Variants in OLFM1 observed in about 807,000 individuals in gnomAD.
OLFM1 encodes the protein noelin.
Under a neutral mutation model 49.7 loss-of-function variants are expected in OLFM1, and 9 were observed. That is an observed-to-expected ratio of 0.18 (90% CI 0.11 to 0.32). The LOEUF (loss-of-function observed/expected upper bound fraction) is 0.32, where lower values mean the gene tolerates loss of function less well. Ranked by LOEUF, OLFM1 falls within the 10% of genes least tolerant of loss-of-function variation. OLFM1 has a pLI of 1.00. For synonymous variants in OLFM1, 240 were observed against 271.8 expected (o/e 0.88, Z 1.15); for missense variants, 369 against 661.8 (o/e 0.56, Z 4.85).
intron 1 of OLFM1, among the ~76,000 whole-genome samples, chr9:135,081,878 G>C (rs773102232): frequency 6.6e-6 from 1 of 152,198 alleles, no homozygotes; most frequent in African/African-American, 2.4e-5. Flanking sequence ...CTGCGGGTCC[G>C]GTGACCCCCT....
chr9:135,106,010 A>T (rs1448328391), intron 4 of OLFM1: 1 of 152,584 alleles, frequency 6.6e-6, no homozygotes, highest in East Asian at 1.9e-4. Context: ...GCCTCAGTCC[A>T]AATCACCGGG....
At chr9:135,091,518 CACA>C (rs1830687856) in intron 2 of OLFM1, among the ~76,000 whole-genome samples, 1 of 142,308 alleles carries the variant, frequency 7.0e-6, no homozygotes, top group African/African-American at 2.6e-5. Flanking sequence ...GTCTCACACA[CACA>C]TAGTCACACA....
rs375198166 is a variant in OLFM1 at position 135,119,642 on chromosome 9, G to A, written c.922G>A (p.Gly308Ser). The change falls in exon 6 of 6, where the codon GGT becomes AGT. Residue 308 changes from glycine to serine, a missense_variant. By Grantham distance (56) the Gly-to-Ser change is moderately conservative. Coordinates refer to ENST00000371793, the MANE Select transcript of OLFM1 (RefSeq NM_001282611.2). Reference protein sequence around the residue: ...WSGTGQVVYNGSIYFNKFQSH... With the variant: ...WSGTGQVVYNSSIYFNKFQSH... ...GGGCACGGGGCAGGTGGTCTACAAC[G>A]GTTCTATCTACTTCAACAAGTTCCA... is the stretch of plus-strand genomic sequence containing the variant. 1.4e-5 allele frequency: 23 copies of A among 1,614,034 alleles called. No homozygotes were observed. The highest frequency in any genetic ancestry group is 5.0e-5 in the Admixed American group (3 of 60,008).
chr9:135,107,902 C>G lies in OLFM1; in HGVS notation c.783+1047C>G, dbSNP rs59281235. Among the ~76,000 whole-genome samples the G allele has an allele frequency of 2.7e-3, 406 of 152,306 alleles. 1 individual carries two copies. Among genetic ancestry groups the G allele is most frequent in the African/African-American group, 9.5e-3 (395 of 41,562 alleles). On this transcript the variant is annotated intron_variant, in intron 5 of 5. Transcript: ENST00000371793. Reference sequence around the variant, plus strand: ...TTGCCTCCCTCCTTCACCATTGCCACCATTTCCACGAAATCTCTTATATTT... The same window carrying G: ...TTGCCTCCCTCCTTCACCATTGCCAGCATTTCCACGAAATCTCTTATATTT...
In OLFM1 at chr9:135,091,674, C is replaced by CACATTCACACAGTCACACACAG. The variant is rs879648450; in HGVS notation, c.300+1330_300+1331insACATTCACACAGTCACACACAG. 2.3e-3 allele frequency among the ~76,000 whole-genome samples: 92 copies of CACATTCACACAGTCACACACAG among 39,500 alleles called. 11 individuals carry two copies. The highest frequency in any genetic ancestry group is 0.011 in the African/African-American group (91 of 8,342). 25.9% of individuals were successfully genotyped at this position (39,500 alleles called of 152,430 possible). A position where few individuals can be genotyped will look rare whatever the true frequency, so the allele number is the denominator to read the frequency against. The stretch of plus-strand genomic sequence containing the variant: ...ATAGTCACACACACACAGTCACACA[C>CACATTCACACAGTCACACACAG]TCACACATAGTCTCACACACACACA... On this transcript the variant is annotated intron_variant, in intron 2 of 5. Coordinates refer to ENST00000371793, the MANE Select transcript of OLFM1 (RefSeq NM_001282611.2).
chr9:135,087,883 A>T lies in OLFM1; in HGVS notation c.-107A>T. 1.3e-6 allele frequency: 1 copy of T among 766,820 alleles called. No individual in the cohort carries two copies. Among genetic ancestry groups the T allele is most frequent in the Non-Finnish European group, 1.6e-6 (1 of 624,856 alleles). 47.5% of individuals were successfully genotyped at this position (766,820 alleles called of 1,614,324 possible). A position where few individuals can be genotyped will look rare whatever the true frequency, so the allele number is the denominator to read the frequency against. On this transcript the variant is annotated 5_prime_UTR_variant, in exon 1 of 6. Transcript: ENST00000371793. ...GGCGGCGGGCCGAGGGGGCGCGGGG[A>T]CACAGCCAGGCGCCCCTGCCCGCCG...
chr9:135,086,120 A>G (rs1358156776), upstream of OLFM1, among the ~76,000 whole-genome samples: 1 of 152,144 alleles, frequency 6.6e-6, no homozygotes, highest in Non-Finnish European at 1.5e-5. Flanking sequence ...GTGGCCTTGA[A>G]TCGGTGTTAA....
chr9:135,105,441 C>G (rs559951665), intron 4 of OLFM1, among the ~76,000 whole-genome samples: 1 of 152,328 alleles, frequency 6.6e-6, no homozygotes, highest in South Asian at 2.1e-4. Context: ...CCGGCAGGGC[C>G]GGGAGCGTTC....
At chr9:135,095,840 C>T in intron 2 of OLFM1, 24 bp from the exon 3 acceptor site, 1 of 1,610,636 alleles carries the variant, frequency 6.2e-7, no homozygotes, top group Non-Finnish European at 8.5e-7. Context: ...GGCTGTTTTG[C>T]TGAACCTGTT....
At chr9:135,079,687 C>T (rs1459714441) in intron 1 of OLFM1, among the ~76,000 whole-genome samples, 2 of 152,206 alleles carry the variant, frequency 1.3e-5, no homozygotes, top group Non-Finnish European at 2.9e-5. Flanking sequence ...CTGACTCTCA[C>T]ATCCAATGCT....
chr9:135,090,845 C>T (rs978493403), intron 2 of OLFM1, among the ~76,000 whole-genome samples: 6 of 152,342 alleles, frequency 3.9e-5, no homozygotes, highest in East Asian at 1.9e-4. Flanking sequence ...ATGGTTGTAC[C>T]TGGCCAGTGG....
chr9:135,112,255 C>T (rs1444594470), intron 5 of OLFM1, among the ~76,000 whole-genome samples: 2 of 152,232 alleles, frequency 1.3e-5, no homozygotes, highest in Admixed American at 1.3e-4. Flanking sequence ...GCCACCCGCC[C>T]TGTGGGGCTC....
chr9:135,097,965 A>AT, intron 3 of OLFM1: 1 of 1,437,298 alleles, frequency 7.0e-7, no homozygotes, highest in Non-Finnish European at 9.1e-7. Context: ...ATGCGACTGT[A>AT]GCTGCATTTC....
intron 4 of OLFM1, among the ~76,000 whole-genome samples, chr9:135,103,855 G>A (rs1233289826): frequency 1.3e-5 from 2 of 152,210 alleles, no homozygotes; most frequent in African/African-American, 2.4e-5. Context: ...CTTCCGAGGG[G>A]GCACTGTTGT....
intron 1 of OLFM1, among the ~76,000 whole-genome samples, chr9:135,079,848 G>T (rs1474095107): frequency 6.6e-6 from 1 of 152,092 alleles, no homozygotes; most frequent in African/African-American, 2.4e-5. Context: ...AGTGAACACA[G>T]AACAGGCTTG....
chr9:135,119,806 C>A lies in OLFM1; in HGVS notation c.1086C>A (p.Ser362Arg). The stretch of plus-strand genomic sequence containing the variant: ...ACATCGACCTCATGGTGGACGAGAG[C>A]GGGCTGTGGGCCGTGTACGCCACCA... The part of the protein sequence containing the change: ...HSDIDLMVDE[S>R]GLWAVYATNQ... Residue 362 changes from serine (S) to arginine (R), a missense_variant, in exon 6 of 6, where the codon AGC (serine) becomes AGA (arginine). Transcript: ENST00000371793. The A allele has an allele frequency of 6.2e-7, 1 of 1,613,896 alleles. No homozygotes were observed. The highest frequency in any genetic ancestry group is 8.5e-7 in the Non-Finnish European group (1 of 1,180,030).
chr9:135,118,429 T>C (rs184252769), intron 5 of OLFM1, among the ~76,000 whole-genome samples: 161 of 122,230 alleles, frequency 1.3e-3, no homozygotes, highest in Non-Finnish European at 2.1e-3. Context: ...GAGTGCTCGC[T>C]GTGTCTTTGG....
At position 135,113,792 on chromosome 9, in the gene OLFM1, G is replaced by A. The variant is rs1012852529; in HGVS notation, c.784-5712G>A. Among the ~76,000 whole-genome samples, 3 of 152,224 alleles carry A rather than the reference G, an allele frequency of 2.0e-5. No individual in the cohort carries two copies. The highest frequency in any genetic ancestry group is 4.4e-5 in the Non-Finnish European group (3 of 68,034). ...CACATGCCCGATGCCCCAGCACACG[G>A]GTGTGGAAGCCCAAGAGGTGCCCTG... is the stretch of plus-strand genomic sequence containing the variant. On this transcript the variant is annotated intron_variant, in intron 5 of 5. Transcript: ENST00000371793. This position sits in a 1 kb window ranked among gnomAD's most constrained non-coding sequence, Gnocchi z 4.0.
chr9:135,075,854 CT>C, intron 1 of OLFM1: 8 of 1,530,850 alleles, frequency 5.2e-6, no homozygotes, highest in Non-Finnish European at 6.2e-6. Flanking sequence ...GGCCCGGCCC[CT>C]CGGGAGCCCC....
Sources: allele counts gnomAD v4.1 joint callset (sites outside exome capture counted in the v4.1 genomes callset), GRCh38; gene constraint gnomAD v4.1.1; non-coding constraint Gnocchi (gnomAD v3.1); transcripts MANE v1.5; gene names NCBI Gene and HGNC (gene_info 2026-07-23, HGNC 2026-07-21).